LRBA: variants seen among roughly 807,000 people sequenced by gnomAD.
LRBA encodes the protein lipopolysaccharide-responsive and beige-like anchor protein.
Under a neutral mutation model 330.0 loss-of-function variants are expected in LRBA, and 176 were observed. That is an observed-to-expected ratio of 0.53 (90% CI 0.47 to 0.60). The LOEUF (loss-of-function observed/expected upper bound fraction) is 0.60. Among genes scored for constraint, LRBA ranks in the 20% least tolerant of loss-of-function variants. The pLI, the probability that LRBA is intolerant of heterozygous loss-of-function variation, is 0.00. For synonymous variants in LRBA, 1,230 were observed against 1,193.0 expected, an observed-to-expected ratio of 1.03 and a Z score of -0.64; for missense variants, 3,259 against 3,444.8, an observed-to-expected ratio of 0.95 and a Z score of 1.35.
intron 40 of LRBA, among the ~76,000 whole-genome samples, chr4:150,559,652 A>AT (rs1561350752): frequency 4.7e-4 from 23 of 48,900 alleles, no homozygotes; most frequent in East Asian, 1.9e-3. Flanking sequence ...ATAATATAAT[A>AT]TATAATTATA....
intron 36 of LRBA, among the ~76,000 whole-genome samples, chr4:150,722,868 C>T (rs1241343889): frequency 1.3e-5 from 2 of 152,038 alleles, no homozygotes; most frequent in Non-Finnish European, 2.9e-5. Flanking sequence ...CCAGCAGTGG[C>T]CATGCACTGC....
intron 47 of LRBA, among the ~76,000 whole-genome samples, chr4:150,389,676 CA>C (rs34170088): frequency 6.1e-4 from 49 of 80,070 alleles, no homozygotes; most frequent in East Asian, 1.6e-3. Flanking sequence ...GACTCTGTCT[CA>C]AAAAAAAAAA....
At position 150,916,680 on chromosome 4, in the gene LRBA, G is replaced by A; in HGVS notation, c.704C>T (p.Thr235Ile). ...WPYQNGFTFH[T>I]WLRMDPVNNI... ...ATTTACAGGATCCATTCTAAGCCAT[G>A]TATGAAATGTAAAACCATTCTGGTA... Residue 235 changes from threonine (T) to isoleucine (I), a missense_variant, in exon 6 of 57, where the codon ACA (threonine) becomes ATA (isoleucine). Coordinates refer to ENST00000651943, the MANE Select transcript of LRBA (RefSeq NM_001364905.1). 1 of 1,598,246 alleles carries A rather than the reference G, an allele frequency of 6.3e-7. No homozygotes were observed. The highest frequency in any genetic ancestry group is 1.1e-5 in the South Asian group (1 of 87,534).
chr4:150,765,702 C>T (rs1192854127), intron 34 of LRBA, among the ~76,000 whole-genome samples: 2 of 152,056 alleles, frequency 1.3e-5, no homozygotes, highest in Non-Finnish European at 1.5e-5. Context: ...AAATGCAAAA[C>T]TCCACATGGA....
At chr4:150,382,795 T>C (rs1181251240) in intron 47 of LRBA, among the ~76,000 whole-genome samples, 2 of 152,150 alleles carry the variant, frequency 1.3e-5, no homozygotes, top group African/African-American at 4.8e-5. Context: ...TTAAACTGGA[T>C]TGTAAAAAAA....
intron 36 of LRBA, among the ~76,000 whole-genome samples, chr4:150,693,370 C>G (rs1303938891): frequency 6.6e-6 from 1 of 151,298 alleles, no homozygotes; most frequent in Non-Finnish European, 1.5e-5. Context: ...GAGACCATCC[C>G]GGCTAAAACG....
At chr4:150,388,485 T>G (rs1425769531) in intron 47 of LRBA, among the ~76,000 whole-genome samples, 1 of 152,196 alleles carries the variant, frequency 6.6e-6, no homozygotes, top group South Asian at 2.1e-4. Flanking sequence ...AACTCAGACA[T>G]GGGTGAAACT....
intron 34 of LRBA, among the ~76,000 whole-genome samples, chr4:150,784,295 A>C (rs1331865723): frequency 2.0e-5 from 3 of 152,182 alleles, no homozygotes; most frequent in Non-Finnish European, 4.4e-5. Flanking sequence ...TTTCATTTTT[A>C]AAGCTGCTTC....
At chr4:150,280,704 A>C (rs922455497) in intron 55 of LRBA, among the ~76,000 whole-genome samples, 6 of 152,208 alleles carry the variant, frequency 3.9e-5, no homozygotes, top group East Asian at 1.9e-4. Context: ...ATTTGTTTCC[A>C]TGGTGTCCAT....
rs572347087 is a variant in LRBA at position 150,423,167 on chromosome 4, C to T, written c.7042-7577G>A. 4.7e-4 allele frequency: 595 copies of T among 1,257,270 alleles called. 3 individuals are homozygous for T. Among genetic ancestry groups the T allele is most frequent in the Non-Finnish European group, 3.0e-4 (256 of 865,384 alleles). The allele number at this position is 1,257,270 out of a possible 1,614,324, so 77.9% of individuals were successfully genotyped here. Reference sequence around the variant, plus strand: ...TACAGGACCAACCTCGGGGCAGGGTCCCTCCGGTCCCCCTTCTTGTTGGCT... The same window carrying T: ...TACAGGACCAACCTCGGGGCAGGGTTCCTCCGGTCCCCCTTCTTGTTGGCT... On this transcript the variant is annotated intron_variant, in intron 46 of 56. Coordinates refer to ENST00000651943, the MANE Select transcript of LRBA (RefSeq NM_001364905.1).
At position 150,915,591 on chromosome 4, in the gene LRBA, A is replaced by G; in HGVS notation, c.1014+17T>C. On this transcript the variant is annotated intron_variant, in intron 8 of 56. Coordinates refer to ENST00000651943, the MANE Select transcript of LRBA (RefSeq NM_001364905.1). ...TTAAAATCACTTTTTTCATTGCAAC[A>G]TTTTGAAACTACTTACATCGCTAGT... The G allele has an allele frequency of 6.3e-7, 1 of 1,589,968 alleles. No homozygotes were observed. Among genetic ancestry groups the G allele is most frequent in the Admixed American group, 1.9e-5 (1 of 53,150 alleles).
intron 34 of LRBA, among the ~76,000 whole-genome samples, chr4:150,777,756 G>A (rs548188523): frequency 7.0e-4 from 107 of 152,026 alleles, no homozygotes; most frequent in Middle Eastern, 6.8e-3. Context: ...AAGGTGGGAG[G>A]ATCACGAGGT....
At chr4:150,885,269 AT>A in intron 17 of LRBA, among the ~76,000 whole-genome samples, 2 of 152,086 alleles carry the variant, frequency 1.3e-5, no homozygotes, top group Admixed American at 6.5e-5. Context: ...CCAAAATTTA[AT>A]GACGAAACAT....
intron 2 of LRBA, chr4:151,013,505 T>G (rs1745085611): frequency 6.6e-6 from 1 of 152,216 alleles, no homozygotes; most frequent in South Asian, 2.1e-4. Context: ...CATCTCTAAA[T>G]AAATAAGTTA....
At chr4:150,706,691 A>C (rs1222925900) in intron 36 of LRBA, among the ~76,000 whole-genome samples, 1 of 151,714 alleles carries the variant, frequency 6.6e-6, no homozygotes, top group Non-Finnish European at 1.5e-5. Flanking sequence ...AAAAAATTCT[A>C]ACATATATCA....
chr4:150,901,974 A>G (rs1276321868), intron 13 of LRBA, among the ~76,000 whole-genome samples: 1 of 152,196 alleles, frequency 6.6e-6, no homozygotes. Context: ...ATGGAAATAC[A>G]GTGGCACATA....
At chr4:150,612,006 G>T (rs997437608) in intron 37 of LRBA, among the ~76,000 whole-genome samples, 12 of 152,212 alleles carry the variant, frequency 7.9e-5, no homozygotes, top group African/African-American at 2.6e-4. Flanking sequence ...AGGCTCAGGT[G>T]ATCCTCCCAC....
intron 36 of LRBA, among the ~76,000 whole-genome samples, chr4:150,685,923 A>T (rs1036078182): frequency 2.6e-5 from 4 of 152,204 alleles, no homozygotes; most frequent in African/African-American, 9.7e-5. Flanking sequence ...CAAGTACAAA[A>T]TACAGGTAGA....
intron 24 of LRBA, among the ~76,000 whole-genome samples, chr4:150,850,296 G>A (rs983962499): frequency 2.0e-5 from 3 of 151,894 alleles, no homozygotes; most frequent in African/African-American, 4.8e-5. Context: ...GGGTTTCACC[G>A]TGTTAGCCAG....
Sources: allele counts gnomAD v4.1 joint callset (sites outside exome capture counted in the v4.1 genomes callset), GRCh38; gene constraint gnomAD v4.1.1; transcripts MANE v1.5; gene names NCBI Gene and HGNC (gene_info 2026-07-23, HGNC 2026-07-21).